Variants in STK33 observed in about 807,000 individuals in gnomAD.
The protein encoded by STK33 is serine/threonine-protein kinase 33.
A neutral mutation model predicts 58.0 loss-of-function variants in STK33; 52 were observed. The ratio of observed to expected loss-of-function variants is 0.90; its 90% confidence interval spans 0.72 to 1.13. STK33 has a LOEUF of 1.13. Ranked by LOEUF, STK33 falls within the 50% of genes most tolerant of loss-of-function variation. STK33 has a pLI of 0.00. For synonymous variants in STK33, 215 were observed against 200.1 expected, an observed-to-expected ratio of 1.07 and a Z score of -0.63; for missense variants, 630 against 604.2, an observed-to-expected ratio of 1.04 and a Z score of -0.45.
downstream of STK33, among the ~76,000 whole-genome samples, chr11:8,391,689 C>G (rs1194668515): frequency 6.6e-6 from 1 of 152,154 alleles, no homozygotes; most frequent in Non-Finnish European, 1.5e-5. Flanking sequence ...AAATTAGTTA[C>G]CCAGGTGGAA....
At chr11:8,414,781 T>C (rs1158807067) in intron 14 of STK33, among the ~76,000 whole-genome samples, 1 of 152,178 alleles carries the variant, frequency 6.6e-6, no homozygotes, top group Non-Finnish European at 1.5e-5. Flanking sequence ...CATTACACCT[T>C]ACACTGGTTT....
At chr11:8,549,568 C>T (rs1268265829) in intron 1 of STK33, among the ~76,000 whole-genome samples, 1 of 152,042 alleles carries the variant, frequency 6.6e-6, no homozygotes, top group Non-Finnish European at 1.5e-5. Flanking sequence ...ATGGTATTAG[C>T]TTTCCTTTAC....
At chr11:8,355,725 C>T in the STK33 span, among the ~76,000 whole-genome samples, 7 of 152,244 alleles carry the variant, frequency 4.6e-5, no homozygotes, top group Non-Finnish European at 7.3e-5. Context: ...ACTTCCTCAT[C>T]TGTAGAATGG....
intron 1 of STK33, among the ~76,000 whole-genome samples, chr11:8,517,531 C>T (rs1952915646): frequency 6.6e-6 from 1 of 152,182 alleles, no homozygotes; most frequent in Non-Finnish European, 1.5e-5. Context: ...TCGGTAATAA[C>T]AAACTTCTCC....
chr11:8,453,939 TTCTTTGGAGAGCA>T (rs1477627685), intron 10 of STK33, among the ~76,000 whole-genome samples: 7 of 152,314 alleles, frequency 4.6e-5, no homozygotes, highest in Non-Finnish European at 8.8e-5. Flanking sequence ...TCCAACTTAG[TTCTTTGGAGAGCA>T]TCTATTCCTT....
rs145659785 is a variant in STK33, at chr11:8,460,668, C to G, written c.558+1137G>C. Among the ~76,000 whole-genome samples, 61 of 151,850 alleles carry G rather than the reference C, an allele frequency of 4.0e-4. 1 individual carries two copies. In the East Asian group the frequency reaches 0.012, roughly 29 times the overall value. On this transcript the variant is annotated intron_variant, in intron 8 of 15. Transcript: ENST00000687296. ...AAAATTGATGAAAACCATAAACTCA[C>G]AAGTCCATGAACCCCGAACACAAAA...
chr11:8,406,971 G>C (rs1312068154), intron 15 of STK33, among the ~76,000 whole-genome samples: 1 of 118,158 alleles, frequency 8.5e-6, no homozygotes, highest in Non-Finnish European at 1.7e-5. Context: ...ACTAATTGTA[G>C]TTTTGGATTT....
intron 14 of STK33, among the ~76,000 whole-genome samples, chr11:8,425,439 T>G (rs1287599276): frequency 6.6e-6 from 1 of 152,226 alleles, no homozygotes; most frequent in African/African-American, 2.4e-5. Context: ...AGCTTTATTC[T>G]TTTGGCTTAG....
intron 1 of STK33, among the ~76,000 whole-genome samples, chr11:8,485,316 A>C (rs1950125833): frequency 6.6e-6 from 1 of 152,178 alleles, no homozygotes; most frequent in African/African-American, 2.4e-5. Context: ...TATTAGTGAT[A>C]AAATTATATA....
At position 8,392,629 on chromosome 11, in the gene STK33, G is replaced by C; in HGVS notation, c.1426C>G (p.Leu476Val). 1 of 1,614,238 alleles carries C rather than the reference G, an allele frequency of 6.2e-7. No individual in the cohort carries two copies. Among genetic ancestry groups the C allele is most frequent in the Non-Finnish European group, 8.5e-7 (1 of 1,180,050 alleles). The change falls in exon 16 of 16, where the codon CTC (leucine) becomes GTC (valine). Residue 476 changes from leucine (L) to valine (V), a missense_variant. Transcript: ENST00000687296. The part of the protein sequence containing the change: ...MCSSSFTSSK[L>V]LPAEIKGEME... ...TCTCCCTTGATTTCAGCTGGAAGGA[G>C]TTTGCTAGATGTGAAACTTGAACTG...
chr11:8,376,204 A>G, the STK33 span, among the ~76,000 whole-genome samples: 1 of 152,152 alleles, frequency 6.6e-6, no homozygotes, highest in Non-Finnish European at 1.5e-5. Context: ...ATCTCGGTTG[A>G]TCCTTGGGAA....
At chr11:8,364,929 A>ACCCCCCC in the STK33 span, among the ~76,000 whole-genome samples, 1 of 146,104 alleles carries the variant, frequency 6.8e-6, no homozygotes, top group African/African-American at 2.6e-5. Context: ...ATTTCATGTG[A>ACCCCCCC]CCCCCCCCGC....
intron 1 of STK33, among the ~76,000 whole-genome samples, chr11:8,509,974 T>C (rs1429584203): frequency 6.6e-6 from 1 of 152,230 alleles, no homozygotes; most frequent in Non-Finnish European, 1.5e-5. Context: ...CGTGTGTGCA[T>C]GTGTCTTTTT....
intron 1 of STK33, among the ~76,000 whole-genome samples, chr11:8,494,355 G>C (rs971438976): frequency 6.6e-6 from 1 of 152,108 alleles, no homozygotes; most frequent in Non-Finnish European, 1.5e-5. Context: ...TTGCTACAAA[G>C]AGAATAAAAT....
At chr11:8,509,662 T>A (rs1356984992) in intron 1 of STK33, among the ~76,000 whole-genome samples, 1 of 152,066 alleles carries the variant, frequency 6.6e-6, no homozygotes, top group East Asian at 1.9e-4. Context: ...CTCACCCCCA[T>A]CCATCCTTCC....
At chr11:8,357,072 C>T in the STK33 span, among the ~76,000 whole-genome samples, 6 of 152,242 alleles carry the variant, frequency 3.9e-5, no homozygotes, top group African/African-American at 9.6e-5. Flanking sequence ...CCCTCCTTCC[C>T]GGCCTGCCCT....
chr11:8,479,824 C>T (rs1233640856), intron 2 of STK33, among the ~76,000 whole-genome samples: 1 of 152,012 alleles, frequency 6.6e-6, no homozygotes, highest in Non-Finnish European at 1.5e-5. Context: ...GCCTGGGTGA[C>T]AGAGTAAGAC....
intron 11 of STK33, among the ~76,000 whole-genome samples, chr11:8,444,169 TCCTAA>T (rs1427515427): frequency 1.3e-5 from 2 of 152,178 alleles, no homozygotes; most frequent in Non-Finnish European, 2.9e-5. Context: ...TTATTAACTG[TCCTAA>T]CCACTAACAA....
intron 1 of STK33, among the ~76,000 whole-genome samples, chr11:8,565,266 A>G (rs1957371950): frequency 1.3e-5 from 2 of 152,346 alleles, no homozygotes; most frequent in South Asian, 4.1e-4. Context: ...TCAAAGGTTA[A>G]AAAACTTCAC....
Sources: allele counts gnomAD v4.1 joint callset (sites outside exome capture counted in the v4.1 genomes callset), GRCh38; gene constraint gnomAD v4.1.1; transcripts MANE v1.5; gene names NCBI Gene and HGNC (gene_info 2026-07-23, HGNC 2026-07-21).